Variants in SLC22A16 observed in about 807,000 individuals in gnomAD.
SLC22A16 encodes WUGSC:RG331P03.1.
Under a neutral mutation model 52.9 loss-of-function variants are expected in SLC22A16, and 53 were observed. The ratio of observed to expected loss-of-function variants is 1.00; its 90% CI spans 0.80 to 1.26. The LOEUF is 1.26. SLC22A16 is among the 50% of genes most tolerant of loss of function. The pLI, the probability that SLC22A16 is intolerant of heterozygous loss-of-function variation, is 0.00. For missense variants in SLC22A16, 726 were observed against 704.0 expected, an observed-to-expected ratio of 1.03 and a Z score of -0.35; for synonymous variants, 291 against 268.8, an observed-to-expected ratio of 1.08 and a Z score of -0.81.
At chr6:110,476,441 G>C in intron 1 of SLC22A16, 81 bp downstream of exon 1, 1 of 1,424,026 alleles carries the variant, frequency 7.0e-7, no homozygotes, top group Non-Finnish European at 9.2e-7. Flanking sequence ...CGAGCGCCGC[G>C]CGAGAACCCC....
intron 1 of SLC22A16, among the ~76,000 whole-genome samples, chr6:110,473,025 C>A (rs1776312407): frequency 1.3e-5 from 2 of 152,184 alleles, no homozygotes; most frequent in African/African-American, 4.8e-5. Context: ...TTACTTACCA[C>A]CAGGGACCAT....
Position 110,442,302 on chromosome 6 carries a change from C to G in SLC22A16, c.1125G>C (p.Ser375=). 2 of 1,614,136 alleles carry G rather than the reference C, an allele frequency of 1.2e-6. No individual in the cohort carries two copies. The highest frequency in any genetic ancestry group is 2.2e-5 in the South Asian group (2 of 91,082). ...IWFTGSLGFY[S]FSLNSVNLGG... is the part of the protein sequence containing the mutation. ...CTAAGTTAACAGAATTCAAGGAAAA[C>G]GAGTAGAATCCCAAACTTCCAGTGA... Residue 375 remains serine (S), a synonymous_variant, in exon 4 of 8, where the codon TCG becomes TCC. Coordinates refer to ENST00000368919, the MANE Select transcript of SLC22A16 (RefSeq NM_033125.4).
Position 110,438,762 on chromosome 6 carries a change from G to C in SLC22A16, c.1269C>G (p.Phe423Leu). The C allele has an allele frequency of 6.2e-7, 1 of 1,614,098 alleles. No homozygotes were observed. The highest frequency in any genetic ancestry group is 8.5e-7 in the Non-Finnish European group (1 of 1,180,004). Residue 423 changes from phenylalanine (F) to leucine (L), a missense_variant, in exon 5 of 8, where the codon TTC becomes TTG. Transcript: ENST00000368919. ...GRRTVLAYSL[F>L]CSALACGVVM... ...CGACACCACAGGCCAGTGCACTGCAGAAAAGAGAGTAGGCCAGGACTGTTC... is the reference window on the plus strand; with the variant it reads ...CGACACCACAGGCCAGTGCACTGCACAAAAGAGAGTAGGCCAGGACTGTTC...
chr6:110,436,083 C>T lies in SLC22A16; in HGVS notation c.1312-122G>A, dbSNP rs967518751. ...CAGTATTTTTTCAGAACAATGAAGA[C>T]CCTTATTTTTCTGTTTGAATGTATT... is the stretch of plus-strand genomic sequence containing the variant. On this transcript the variant is annotated intron_variant, in intron 5 of 7. Coordinates refer to ENST00000368919, the MANE Select transcript of SLC22A16 (RefSeq NM_033125.4). The T allele has an allele frequency of 1.4e-5, 9 of 650,992 alleles. No individual in the cohort carries two copies. The Admixed American group carries it at 1.4e-4, about 10-fold the overall frequency. 40.3% of individuals were successfully genotyped at this position (650,992 alleles called of 1,614,324 possible). A position where few individuals can be genotyped will look rare whatever the true frequency, so the allele number is the denominator to read the frequency against.
chr6:110,472,773 A>G (rs1386822209), intron 1 of SLC22A16, among the ~76,000 whole-genome samples: 2 of 152,218 alleles, frequency 1.3e-5, no homozygotes, highest in African/African-American at 4.8e-5. Context: ...AGGCTTATAG[A>G]TATGACACTC....
chr6:110,430,674 C>T (rs1450857978), intron 7 of SLC22A16, among the ~76,000 whole-genome samples: 2 of 152,232 alleles, frequency 1.3e-5, no homozygotes, highest in African/African-American at 4.8e-5. Context: ...GAAAGCCAGG[C>T]AAATGGCTCA....
intron 7 of SLC22A16, among the ~76,000 whole-genome samples, chr6:110,429,817 G>A (rs946091843): frequency 1.3e-5 from 2 of 152,098 alleles, no homozygotes; most frequent in African/African-American, 2.4e-5. Context: ...CCTGGAAAGC[G>A]GATACCTGGA....
At chr6:110,454,702 T>A (rs1301809204) in intron 2 of SLC22A16, among the ~76,000 whole-genome samples, 1 of 74,412 alleles carries the variant, frequency 1.3e-5, no homozygotes, top group African/African-American at 6.0e-5. Flanking sequence ...ATATATATTT[T>A]TTGTATATAT....
chr6:110,466,399 A>T (rs2115018942), intron 1 of SLC22A16, among the ~76,000 whole-genome samples: 1 of 152,194 alleles, frequency 6.6e-6, no homozygotes, highest in South Asian at 2.1e-4. Flanking sequence ...TCCAACAAAG[A>T]GCTAATATCC....
Position 110,476,609 on chromosome 6 carries a change from G to T in SLC22A16, c.-35C>A, listed in dbSNP as rs771676784. 5.3e-6 allele frequency: 8 copies of T among 1,514,784 alleles called. No homozygotes were observed. Among genetic ancestry groups the T allele is most frequent in the African/African-American group, 1.4e-5 (1 of 69,516 alleles). 93.8% of individuals were successfully genotyped at this position (1,514,784 alleles called of 1,614,324 possible). A position where few individuals can be genotyped will look rare whatever the true frequency, so the allele number is the denominator to read the frequency against. ...GTGCACTGGGCGCCGAGTTAGCCGA[G>T]CTCCGGGGACTGCGGGTAGCGCGCC... On this transcript the variant is annotated 5_prime_UTR_variant, in exon 1 of 8. Transcript: ENST00000368919.
intron 1 of SLC22A16, among the ~76,000 whole-genome samples, chr6:110,458,892 C>T (rs1161790876): frequency 1.3e-5 from 2 of 152,092 alleles, no homozygotes; most frequent in Non-Finnish European, 2.9e-5. Flanking sequence ...TGAATTACAC[C>T]ACTAGCTTTC....
intron 7 of SLC22A16, among the ~76,000 whole-genome samples, chr6:110,426,966 CAA>C (rs1774281625): frequency 6.6e-6 from 1 of 151,072 alleles, no homozygotes; most frequent in Admixed American, 6.6e-5. Flanking sequence ...AAAAACTTCT[CAA>C]AGACTGGGTG....
chr6:110,425,859 C>T (rs796337173), intron 7 of SLC22A16, among the ~76,000 whole-genome samples: 32 of 152,354 alleles, frequency 2.1e-4, no homozygotes, highest in African/African-American at 7.5e-4. Context: ...AATCTCTATA[C>T]AATCCGTAAA....
chr6:110,432,895 G>A (rs142099803), intron 6 of SLC22A16, among the ~76,000 whole-genome samples: 24 of 152,210 alleles, frequency 1.6e-4, no homozygotes, highest in African/African-American at 4.8e-4. Context: ...CTTATCCCCC[G>A]CTAATGTTAA....
intron 2 of SLC22A16, among the ~76,000 whole-genome samples, chr6:110,454,907 A>G (rs1775580241): frequency 1.1e-5 from 1 of 91,478 alleles, no homozygotes; most frequent in African/African-American, 4.4e-5. Context: ...AATATATGTT[A>G]TATTATATAT....
intron 1 of SLC22A16, among the ~76,000 whole-genome samples, chr6:110,466,931 A>AGAT (rs1403547602): frequency 6.6e-6 from 1 of 151,598 alleles, no homozygotes; most frequent in East Asian, 1.9e-4. Flanking sequence ...ATAGATAGAT[A>AGAT]GATAGATAGA....
chr6:110,451,317 G>T (rs993704057), intron 2 of SLC22A16, among the ~76,000 whole-genome samples: 6 of 152,174 alleles, frequency 3.9e-5, no homozygotes, highest in Non-Finnish European at 8.8e-5. Context: ...CATGCTCAGG[G>T]TATATGCCCC....
intron 1 of SLC22A16, among the ~76,000 whole-genome samples, chr6:110,472,503 C>T (rs1259822400): frequency 6.6e-6 from 1 of 152,132 alleles, no homozygotes; most frequent in Non-Finnish European, 1.5e-5. Context: ...TTTATACCCC[C>T]AAAATAATAA....
chr6:110,453,928 G>T (rs1164459339), intron 2 of SLC22A16, among the ~76,000 whole-genome samples: 1 of 152,104 alleles, frequency 6.6e-6, no homozygotes, highest in Non-Finnish European at 1.5e-5. Flanking sequence ...GAAACCTGAG[G>T]GGTGTCCTCA....
Sources: allele counts gnomAD v4.1 joint callset (sites outside exome capture counted in the v4.1 genomes callset), GRCh38; gene constraint gnomAD v4.1.1; transcripts MANE v1.5; gene names NCBI Gene and HGNC (gene_info 2026-07-23, HGNC 2026-07-21).